DPH6: variants seen among roughly 807,000 people sequenced by gnomAD.
DPH6 encodes the protein diphthamine biosynthesis 6.
A neutral mutation model predicts 38.2 loss-of-function variants in DPH6; 33 were observed. That is an observed-to-expected ratio of 0.86 (90% CI 0.65 to 1.15). The LOEUF is 1.15. DPH6 is among the 50% of genes most tolerant of loss of function. DPH6 has a pLI of 0.00. For missense variants in DPH6, 325 were observed against 320.0 expected (o/e 1.02, Z -0.12); for synonymous variants, 108 against 103.0 (o/e 1.05, Z -0.30).
At position 35,373,553 on chromosome 15, in the gene DPH6, G is replaced by C; in HGVS notation, c.718C>G (p.Leu240Val). 1.9e-6 allele frequency: 3 copies of C among 1,608,226 alleles called. No homozygotes were observed. The highest frequency in any genetic ancestry group is 8.5e-7 in the Non-Finnish European group (1 of 1,177,306). Residue 240 changes from leucine (L) to valine (V), a missense_variant, in exon 8 of 9, where the codon CTA becomes GTA. Physicochemically the swap from Leu to Val is conservative, Grantham distance 32. Transcript: ENST00000256538. ...SADAFAPVAY[L>V]RFLELHLEDK... ...TCCAAGTGCAATTCTAAAAAGCGTAGATAAGCCACAGGTGCAAATGCATCA... is the reference window on the plus strand; with the variant it reads ...TCCAAGTGCAATTCTAAAAAGCGTACATAAGCCACAGGTGCAAATGCATCA...
chr15:35,454,535 C>T (rs1262792255), intron 4 of DPH6, among the ~76,000 whole-genome samples: 1 of 152,022 alleles, frequency 6.6e-6, no homozygotes, highest in East Asian at 1.9e-4. Context: ...TTTTTCCTTA[C>T]ACTAAATAAG....
intron 3 of DPH6, among the ~76,000 whole-genome samples, chr15:35,348,006 G>C (rs2052477300): frequency 6.6e-6 from 1 of 151,852 alleles, no homozygotes; most frequent in Non-Finnish European, 1.5e-5. Context: ...TTATTTTCTT[G>C]GGTATTGAGT....
chr15:35,452,004 T>C (rs940336889), intron 4 of DPH6, among the ~76,000 whole-genome samples: 1 of 152,112 alleles, frequency 6.6e-6, no homozygotes, highest in African/African-American at 2.4e-5. Flanking sequence ...AGCGAGACTC[T>C]GTCTCAAAAA....
chr15:35,366,897 T>C (rs1595503500), downstream of DPH6, among the ~76,000 whole-genome samples: 1 of 151,982 alleles, frequency 6.6e-6, no homozygotes, highest in Non-Finnish European at 1.5e-5. Flanking sequence ...TTATAGTAGA[T>C]TCCATGTAGA....
chr15:35,443,078 G>C (rs74008093), intron 5 of DPH6, among the ~76,000 whole-genome samples: 31,765 of 152,054 alleles, frequency 0.21, 4,217 homozygotes, highest in African/African-American at 0.38. Context: ...GGAATGTGTA[G>C]TCATAGTAGC....
At chr15:35,259,949 A>G (rs1365293492) in intron 3 of DPH6, among the ~76,000 whole-genome samples, 2 of 152,178 alleles carry the variant, frequency 1.3e-5, no homozygotes, top group African/African-American at 4.8e-5. Flanking sequence ...GAGACATAAG[A>G]CCTACATAAA....
intron 3 of DPH6, chr15:35,299,504 G>A: frequency 1.4e-6 from 1 of 699,734 alleles, no homozygotes; most frequent in Non-Finnish European, 2.6e-6. Flanking sequence ...TGGCGGCAGC[G>A]CGGAGCCGGG....
the DPH6 span, among the ~76,000 whole-genome samples, chr15:35,160,945 A>C: frequency 6.6e-6 from 1 of 151,990 alleles, no homozygotes; most frequent in South Asian, 2.1e-4. Context: ...AACAATGAGA[A>C]CACATGGATA....
chr15:35,177,600 A>AAAAATCATC, the DPH6 span, among the ~76,000 whole-genome samples: 2 of 134,466 alleles, frequency 1.5e-5, no homozygotes, highest in African/African-American at 5.5e-5. Flanking sequence ...AAAAAAAAAA[A>AAAAATCATC]ATCATCATCA....
intron 3 of DPH6, among the ~76,000 whole-genome samples, chr15:35,269,597 C>T (rs992692131): frequency 7.9e-5 from 12 of 151,388 alleles, no homozygotes; most frequent in East Asian, 3.9e-4. Context: ...CCAACACGCC[C>T]GGCTAATTTT....
intron 6 of DPH6, among the ~76,000 whole-genome samples, chr15:35,388,054 G>A (rs1198987855): frequency 4.6e-5 from 7 of 152,108 alleles, no homozygotes. Flanking sequence ...TAGCATGAAG[G>A]TTGTTGAATT....
At chr15:35,376,439 A>T (rs188120999) in intron 7 of DPH6, among the ~76,000 whole-genome samples, 1 of 152,270 alleles carries the variant, frequency 6.6e-6, no homozygotes, top group Admixed American at 6.5e-5. Context: ...CCATAAGATC[A>T]TAATGGAGCT....
chr15:35,181,183 A>G, the DPH6 span, among the ~76,000 whole-genome samples: 12 of 152,172 alleles, frequency 7.9e-5, no homozygotes, highest in Admixed American at 7.9e-4. Context: ...TAAAATAATA[A>G]TAACATTTTG....
chr15:35,383,080 A>T (rs549893112), intron 6 of DPH6, among the ~76,000 whole-genome samples: 27 of 152,164 alleles, frequency 1.8e-4, no homozygotes, highest in Non-Finnish European at 3.5e-4. Flanking sequence ...ATAACTTATG[A>T]CCACTCTCTT....
intron 6 of DPH6, among the ~76,000 whole-genome samples, chr15:35,407,699 C>T (rs891081415): frequency 2.0e-5 from 3 of 151,884 alleles, no homozygotes; most frequent in Admixed American, 2.0e-4. Context: ...GTGGACAAAA[C>T]ATTTCAGGCA....
intron 3 of DPH6, among the ~76,000 whole-genome samples, chr15:35,505,785 T>C (rs1047749948): frequency 6.6e-6 from 1 of 152,134 alleles, no homozygotes; most frequent in Non-Finnish European, 1.5e-5. Context: ...TTTAAAACTT[T>C]TACTGTTTTT....
intron 3 of DPH6, chr15:35,521,868 T>A (rs1462762317): frequency 4.4e-6 from 6 of 1,360,360 alleles, no homozygotes. Flanking sequence ...CAGTCATTAA[T>A]GTTAATTAGT....
chr15:35,401,544 T>C (rs1224460361), intron 6 of DPH6: 3 of 771,872 alleles, frequency 3.9e-6, no homozygotes, highest in Non-Finnish European at 7.2e-6. Context: ...GAGGTGGCTT[T>C]GGTGGTGGTA....
At chr15:35,186,013 T>C in the DPH6 span, among the ~76,000 whole-genome samples, 1 of 151,998 alleles carries the variant, frequency 6.6e-6, no homozygotes, top group East Asian at 1.9e-4. Flanking sequence ...GGATTACAGG[T>C]GTGAGCCACT....
Sources: gnomAD v4.1 joint callset for allele counts (sites outside exome capture counted in the v4.1 genomes callset) on GRCh38, gnomAD v4.1.1 for gene constraint, MANE v1.5 for transcripts, NCBI Gene and HGNC (gene_info 2026-07-23, HGNC 2026-07-21) for gene names.